LPP: variants seen among roughly 807,000 people sequenced by gnomAD.
The protein encoded by LPP is lipoma-preferred partner.
A neutral mutation model predicts 60.4 loss-of-function variants in LPP; 38 were observed. The ratio of observed to expected loss-of-function variants is 0.63; its 90% CI spans 0.49 to 0.83. The LOEUF (loss-of-function observed/expected upper bound fraction) is 0.83. Among genes scored for constraint, LPP ranks in the 40% least tolerant of loss-of-function variants. The pLI is 0.00. For synonymous variants in LPP, 328 were observed against 290.8 expected (o/e 1.13, Z -1.30); for missense variants, 902 against 783.6 (o/e 1.15, Z -1.80).
intron 2 of LPP, among the ~76,000 whole-genome samples, chr3:188,252,960 A>G (rs1312480789): frequency 6.6e-6 from 1 of 151,786 alleles, no homozygotes; most frequent in South Asian, 2.1e-4. Context: ...TTTCACGGAG[A>G]TGGGGTTTTG....
At chr3:188,734,003 G>A (rs62291296) in intron 8 of LPP, among the ~76,000 whole-genome samples, 7,781 of 152,154 alleles carry the variant, frequency 0.051, 236 homozygotes, top group Non-Finnish European at 0.07. Context: ...GTGTATATGT[G>A]TGTGTGTGGA....
chr3:188,214,343 C>G lies in LPP; in HGVS notation c.-189-11062C>G, dbSNP rs560082363. On this transcript the variant is annotated intron_variant, in intron 1 of 11. Coordinates refer to ENST00000617246, the MANE Select transcript of LPP (RefSeq NM_001375462.1). ...ACAGGGTTTCACCACGTTGGCCAGGCTGGTCTCAAACTCCTGACCTCAGGT... is the reference window on the plus strand; with the variant it reads ...ACAGGGTTTCACCACGTTGGCCAGGGTGGTCTCAAACTCCTGACCTCAGGT... Among the ~76,000 whole-genome samples the G allele has an allele frequency of 1.9e-4, 29 of 152,244 alleles. 1 individual carries two copies. Among genetic ancestry groups the G allele is most frequent in the South Asian group, 1.7e-3 (8 of 4,828 alleles).
At chr3:188,402,093 A>T (rs1259640703) in intron 3 of LPP, among the ~76,000 whole-genome samples, 1 of 152,190 alleles carries the variant, frequency 6.6e-6, no homozygotes, top group Non-Finnish European at 1.5e-5. Context: ...CAATATGATT[A>T]ATGTCTGTTA....
At chr3:188,716,585 T>C (rs1462898437) in intron 8 of LPP, among the ~76,000 whole-genome samples, 1 of 152,224 alleles carries the variant, frequency 6.6e-6, no homozygotes, top group Non-Finnish European at 1.5e-5. Flanking sequence ...CCCTCATTGC[T>C]GTTGAAAGAC....
At chr3:188,155,597 C>T (rs1051077627) in intron 1 of LPP, among the ~76,000 whole-genome samples, 4 of 152,224 alleles carry the variant, frequency 2.6e-5, no homozygotes, top group African/African-American at 7.2e-5. Flanking sequence ...GGTGCTAGAC[C>T]TAGAGCCTAT....
At chr3:188,685,675 A>C (rs764672181) in intron 7 of LPP, among the ~76,000 whole-genome samples, 3 of 152,128 alleles carry the variant, frequency 2.0e-5, no homozygotes, top group Non-Finnish European at 4.4e-5. Flanking sequence ...CAAATGGATA[A>C]ACCCAGCTAA....
chr3:188,874,623 GA>G lies in LPP; in HGVS notation c.*145del. 1.1e-6 allele frequency: 1 copy of G among 943,586 alleles called. No individual in the cohort carries two copies. Among genetic ancestry groups the G allele is most frequent in the East Asian group, 2.6e-5 (1 of 37,814 alleles). 58.5% of individuals were successfully genotyped at this position (943,586 alleles called of 1,614,324 possible). ...TGCCTTAGAAACACATAAATTATGA[GA>G]TTTTTTTTAAAAGTTGTTACCAAAT... On this transcript the variant is annotated 3_prime_UTR_variant, in exon 12 of 12. Coordinates refer to ENST00000617246, the MANE Select transcript of LPP (RefSeq NM_001375462.1).
chr3:188,469,252 G>A lies in LPP; in HGVS notation c.194-15340G>A, dbSNP rs117623549. Among the ~76,000 whole-genome samples the A allele has an allele frequency of 6.9e-4, 105 of 152,256 alleles. 1 individual carries two copies. In the East Asian group the frequency reaches 0.02, roughly 29 times the overall value. On this transcript the variant is annotated intron_variant, in intron 4 of 11. Coordinates refer to ENST00000617246, the MANE Select transcript of LPP (RefSeq NM_001375462.1). ...ACTTAACCTTTGCAGATGTGGGACT[G>A]TGTGTTTATACATCAAAGTGGGTAA...
intron 9 of LPP, among the ~76,000 whole-genome samples, chr3:188,835,442 C>T (rs777390230): frequency 1.3e-5 from 2 of 150,658 alleles, no homozygotes; most frequent in Non-Finnish European, 1.5e-5. Context: ...GAAACCTCAT[C>T]CTACTAAAAA....
chr3:188,435,463 GAC>G (rs2149201220), intron 4 of LPP, among the ~76,000 whole-genome samples: 1 of 152,224 alleles, frequency 6.6e-6, no homozygotes, highest in East Asian at 1.9e-4. Flanking sequence ...CCTACTTGGA[GAC>G]ACACGTTTAT....
Position 188,875,301 on chromosome 3 carries a change from A to G in LPP, c.*822A>G, listed in dbSNP as rs1769123273. The G allele has an allele frequency of 4.6e-6, 1 of 218,852 alleles. No homozygotes were observed. Among genetic ancestry groups the G allele is most frequent in the Non-Finnish European group, 9.2e-6 (1 of 109,224 alleles). 13.6% of individuals were successfully genotyped at this position (218,852 alleles called of 1,614,324 possible). ...AGATTTTTCTTTTCCGCACTACCTG[A>G]ACATTGTAATACAGACAAACTTGAT... On this transcript the variant is annotated 3_prime_UTR_variant, in exon 12 of 12. Coordinates refer to ENST00000617246, the MANE Select transcript of LPP (RefSeq NM_001375462.1).
chr3:188,494,872 A>G (rs969844055), intron 5 of LPP, among the ~76,000 whole-genome samples: 4 of 151,546 alleles, frequency 2.6e-5, no homozygotes, highest in Non-Finnish European at 4.4e-5. Context: ...TCAAAGACAT[A>G]ATGCACATAA....
At chr3:188,370,914 T>C (rs1345545706) in intron 3 of LPP, among the ~76,000 whole-genome samples, 3 of 152,140 alleles carry the variant, frequency 2.0e-5, no homozygotes, top group African/African-American at 7.2e-5. Flanking sequence ...TTTGCCATTG[T>C]TTTATTTTAT....
At chr3:188,592,560 T>TGTTTTTTTTTTTTTTTTTTTTTTTTTG in intron 6 of LPP, among the ~76,000 whole-genome samples, 1 of 133,676 alleles carries the variant, frequency 7.5e-6, no homozygotes, top group Middle Eastern at 4.1e-3. Context: ...TGTTTTTGTT[T>TGTTTTTTTTTTTTTTTTTTTTTTTTTG]TTTAAATGGA....
intron 7 of LPP, among the ~76,000 whole-genome samples, chr3:188,627,913 C>T (rs546684265): frequency 2.6e-5 from 4 of 152,266 alleles, no homozygotes; most frequent in African/African-American, 9.6e-5. Flanking sequence ...ATACCAACCA[C>T]ATTCTCAGAC....
chr3:188,447,119 A>G (rs1273807393), intron 4 of LPP, among the ~76,000 whole-genome samples: 1 of 152,226 alleles, frequency 6.6e-6, no homozygotes, highest in African/African-American at 2.4e-5. Flanking sequence ...CTCAGAGATC[A>G]TCTATGCAAT....
chr3:188,763,153 A>G (rs1035021336), intron 9 of LPP, among the ~76,000 whole-genome samples: 1 of 152,200 alleles, frequency 6.6e-6, no homozygotes, highest in Admixed American at 6.5e-5. Context: ...TGATCCAGCA[A>G]AATTGCCTTT....
intron 2 of LPP, among the ~76,000 whole-genome samples, chr3:188,320,796 C>G (rs1346241724): frequency 6.6e-6 from 1 of 152,174 alleles, no homozygotes; most frequent in Non-Finnish European, 1.5e-5. Flanking sequence ...TCTCTGTGCT[C>G]TTCTCAGAGG....
intron 4 of LPP, among the ~76,000 whole-genome samples, chr3:188,455,963 G>A (rs901228547): frequency 6.6e-6 from 1 of 152,190 alleles, no homozygotes; most frequent in Non-Finnish European, 1.5e-5. Context: ...TGCAGTCATA[G>A]CTTACTGCAC....
Sources: gnomAD v4.1 joint callset for allele counts (sites outside exome capture counted in the v4.1 genomes callset) on GRCh38, gnomAD v4.1.1 for gene constraint, MANE v1.5 for transcripts, NCBI Gene and HGNC (gene_info 2026-07-23, HGNC 2026-07-21) for gene names.